LYPLAL1: variants seen among roughly 807,000 people sequenced by gnomAD.
LYPLAL1 encodes the protein lysophospholipase-like protein 1.
A neutral mutation model predicts 19.7 loss-of-function variants in LYPLAL1; 23 were observed. The ratio of observed to expected loss-of-function variants is 1.17; its 90% confidence interval spans 0.84 to 1.65. LYPLAL1 has a LOEUF of 1.65. LYPLAL1 is among the 40% of genes most tolerant of loss of function. The pLI is 0.00. For synonymous variants in LYPLAL1, 119 were observed against 96.3 expected, an observed-to-expected ratio of 1.24 and a Z score of -1.38; for missense variants, 355 against 279.4, an observed-to-expected ratio of 1.27 and a Z score of -1.93.
chr1:219,307,825 A>G, the LYPLAL1 span, among the ~76,000 whole-genome samples: 4 of 151,796 alleles, frequency 2.6e-5, no homozygotes, highest in Non-Finnish European at 5.9e-5. Flanking sequence ...CTTCCTCCTT[A>G]TTTTTTCTTG....
intron 2 of LYPLAL1, among the ~76,000 whole-genome samples, chr1:219,186,731 C>T (rs1380649345): frequency 6.6e-6 from 1 of 151,520 alleles, no homozygotes; most frequent in Non-Finnish European, 1.5e-5. Flanking sequence ...TTGCTTTTAA[C>T]CTACCTATAT....
the LYPLAL1 span, among the ~76,000 whole-genome samples, chr1:219,396,948 A>G: frequency 1.3e-5 from 2 of 152,138 alleles, no homozygotes; most frequent in Admixed American, 6.5e-5. Flanking sequence ...TTCCAATACT[A>G]TGTTGAGTAG....
chr1:219,188,348 A>T (rs1168064511), intron 2 of LYPLAL1, among the ~76,000 whole-genome samples: 1 of 151,838 alleles, frequency 6.6e-6, no homozygotes, highest in Non-Finnish European at 1.5e-5. Context: ...TTGGAGAGTC[A>T]AAGAAGCTCC....
chr1:219,440,197 A>C, the LYPLAL1 span, among the ~76,000 whole-genome samples: 1 of 151,866 alleles, frequency 6.6e-6, no homozygotes, highest in East Asian at 1.9e-4. Context: ...TACAAAAAGA[A>C]AAAAATATGT....
chr1:219,441,811 G>A, the LYPLAL1 span, among the ~76,000 whole-genome samples: 1,765 of 152,138 alleles, frequency 0.012, 40 homozygotes, highest in African/African-American at 0.041. Flanking sequence ...AAAAATCTGC[G>A]GCAGATGCCT....
the LYPLAL1 span, among the ~76,000 whole-genome samples, chr1:219,377,563 CTTTAG>C: frequency 0.012 from 1,844 of 152,100 alleles, 20 homozygotes; most frequent in Non-Finnish European, 0.016. Context: ...CCCCACATAC[CTTTAG>C]TTTATTTTTT....
the LYPLAL1 span, among the ~76,000 whole-genome samples, chr1:219,372,463 G>A: frequency 6.6e-6 from 1 of 152,082 alleles, no homozygotes; most frequent in Non-Finnish European, 1.5e-5. Context: ...TCTTAATTCA[G>A]AAAGCCCCCT....
At chr1:219,197,053 A>G (rs1657663919) in intron 3 of LYPLAL1, among the ~76,000 whole-genome samples, 1 of 152,238 alleles carries the variant, frequency 6.6e-6, no homozygotes, top group Non-Finnish European at 1.5e-5. Flanking sequence ...AAATGGCCAT[A>G]CTACCCGAAG....
the LYPLAL1 span, among the ~76,000 whole-genome samples, chr1:219,243,946 G>A: frequency 2.2e-4 from 33 of 151,458 alleles, no homozygotes; most frequent in African/African-American, 7.7e-4. Flanking sequence ...GATTTGGGAG[G>A]TAGGGAGGTA....
At chr1:219,338,611 CA>C in the LYPLAL1 span, among the ~76,000 whole-genome samples, 8 of 143,770 alleles carry the variant, frequency 5.6e-5, no homozygotes, top group Admixed American at 7.0e-5. Flanking sequence ...GCACATGGTA[CA>C]AAAAAAAAAC....
chr1:219,361,448 G>C, the LYPLAL1 span, among the ~76,000 whole-genome samples: 1 of 152,130 alleles, frequency 6.6e-6, no homozygotes, highest in African/African-American at 2.4e-5. Flanking sequence ...GCTAGGGAGT[G>C]TGTGCATCTG....
chr1:219,194,376 G>GT (rs886798029), intron 3 of LYPLAL1, among the ~76,000 whole-genome samples: 17 of 152,088 alleles, frequency 1.1e-4, no homozygotes, highest in Admixed American at 1.1e-3. Context: ...TGTGAATCAT[G>GT]TATCATTCAG....
chr1:219,355,473 ACT>A, the LYPLAL1 span, among the ~76,000 whole-genome samples: 4 of 152,144 alleles, frequency 2.6e-5, no homozygotes, highest in African/African-American at 9.7e-5. Context: ...TGCATTACAC[ACT>A]CTGTTAAAAG....
At chr1:219,255,151 G>A in the LYPLAL1 span, among the ~76,000 whole-genome samples, 1 of 151,550 alleles carries the variant, frequency 6.6e-6, no homozygotes, top group African/African-American at 2.4e-5. Flanking sequence ...TTGACATTTT[G>A]ATTGAAATTG....
At chr1:219,317,729 G>A in the LYPLAL1 span, among the ~76,000 whole-genome samples, 1 of 152,296 alleles carries the variant, frequency 6.6e-6, no homozygotes, top group African/African-American at 2.4e-5. Context: ...GGGCATAAAT[G>A]CTTGGTTTAA....
At chr1:219,398,639 A>G in the LYPLAL1 span, among the ~76,000 whole-genome samples, 1 of 152,110 alleles carries the variant, frequency 6.6e-6, no homozygotes, top group Admixed American at 6.6e-5. Flanking sequence ...TGGCTTTTTG[A>G]GTTGTCAGAG....
At chr1:219,400,651 CACCCAG>C in the LYPLAL1 span, among the ~76,000 whole-genome samples, 1 of 152,130 alleles carries the variant, frequency 6.6e-6, no homozygotes, top group African/African-American at 2.4e-5. Flanking sequence ...GTCACCACCA[CACCCAG>C]CTAATTTTTG....
chr1:219,361,630 C>A, the LYPLAL1 span, among the ~76,000 whole-genome samples: 1 of 152,036 alleles, frequency 6.6e-6, no homozygotes, highest in Non-Finnish European at 1.5e-5. Context: ...AAAGGTTGAT[C>A]CGATGTCCAA....
intron 3 of LYPLAL1, among the ~76,000 whole-genome samples, chr1:219,210,032 C>G (rs537287654): frequency 2.0e-4 from 31 of 152,092 alleles, no homozygotes; most frequent in Middle Eastern, 3.4e-3. Flanking sequence ...AATGTGTTAA[C>G]TAGCTCCTCA....
Sources: gnomAD v4.1 joint callset for allele counts (sites outside exome capture counted in the v4.1 genomes callset) on GRCh38, gnomAD v4.1.1 for gene constraint, MANE v1.5 for transcripts, NCBI Gene and HGNC (gene_info 2026-07-23, HGNC 2026-07-21) for gene names.